PTPRD: variants seen among roughly 807,000 people sequenced by gnomAD.
PTPRD encodes protein tyrosine phosphatase receptor type D, also known as receptor-type tyrosine-protein phosphatase delta.
PTPRD carries 34 observed loss-of-function variants against 214.5 expected under a neutral mutation model. The ratio of observed to expected loss-of-function variants is 0.16; its 90% CI spans 0.12 to 0.21. The LOEUF is 0.21. PTPRD is among the 10% of genes least tolerant of loss of function. The pLI is 1.00. For missense variants in PTPRD, 2,545 were observed against 2,398.7 expected (o/e 1.06, Z -1.27); for synonymous variants, 1,128 against 845.7 (o/e 1.33, Z -5.79).
At chr9:10,528,564 T>C (rs150045890) in intron 2 of PTPRD, among the ~76,000 whole-genome samples, 152 of 152,302 alleles carry the variant, frequency 1.0e-3, no homozygotes, top group African/African-American at 3.4e-3. Flanking sequence ...TTGTATCATA[T>C]GTATACTCAG....
At chr9:8,718,717 A>G (rs1468234117) in intron 12 of PTPRD, among the ~76,000 whole-genome samples, 1 of 152,172 alleles carries the variant, frequency 6.6e-6, no homozygotes, top group African/African-American at 2.4e-5. Context: ...CATCTGCAGA[A>G]ACGTGTGCCT....
At chr9:8,426,188 A>G (rs1014794584) in intron 35 of PTPRD, among the ~76,000 whole-genome samples, 5 of 152,192 alleles carry the variant, frequency 3.3e-5, no homozygotes, top group Non-Finnish European at 7.4e-5. Flanking sequence ...GGTGCCTAAC[A>G]TATATTCATC....
chr9:8,870,687 AACAC>A (rs3046878), intron 11 of PTPRD, among the ~76,000 whole-genome samples: 1,653 of 131,450 alleles, frequency 0.013, 21 homozygotes, highest in African/African-American at 0.027. Context: ...ACAGACATGA[AACAC>A]ACACACACAC....
intron 5 of PTPRD, among the ~76,000 whole-genome samples, chr9:9,935,982 A>T (rs2089209395): frequency 6.6e-6 from 1 of 151,244 alleles, no homozygotes; most frequent in Non-Finnish European, 1.5e-5. Context: ...TGGGGAAAGG[A>T]TTCCCTATTT....
intron 11 of PTPRD, among the ~76,000 whole-genome samples, chr9:8,818,636 T>C (rs145357327): frequency 1.9e-4 from 29 of 152,344 alleles, no homozygotes; most frequent in African/African-American, 6.5e-4. Context: ...TGCAAAATCA[T>C]ACCTACTGAA....
chr9:9,900,091 A>G lies in PTPRD; in HGVS notation c.-368+38416T>C, dbSNP rs1326362213. Among the ~76,000 whole-genome samples, 6 of 152,204 alleles carry G rather than the reference A, an allele frequency of 3.9e-5. No individual in the cohort carries two copies. The East Asian group carries it at 1.2e-3, about 29-fold the overall frequency. The stretch of plus-strand genomic sequence containing the variant: ...TGGAGTGAAACACTTAATATCATGC[A>G]AATCTCTCTAGCAAGTGGTTGTTCC... On this transcript the variant is annotated intron_variant, in intron 5 of 45. Transcript: ENST00000381196.
chr9:9,436,510 G>C (rs1409131383), intron 8 of PTPRD, among the ~76,000 whole-genome samples: 1 of 151,932 alleles, frequency 6.6e-6, no homozygotes, highest in Non-Finnish European at 1.5e-5. Context: ...TTTTTGGATG[G>C]AGTTTACAGA....
intron 8 of PTPRD, among the ~76,000 whole-genome samples, chr9:9,569,610 G>A (rs1017310403): frequency 2.0e-5 from 3 of 151,150 alleles, no homozygotes; most frequent in Non-Finnish European, 4.4e-5. Flanking sequence ...GTCTAATCTC[G>A]ATTTTCCCAG....
At chr9:10,405,163 A>G (rs1176254711) in intron 2 of PTPRD, among the ~76,000 whole-genome samples, 1 of 151,620 alleles carries the variant, frequency 6.6e-6, no homozygotes, top group Non-Finnish European at 1.5e-5. Flanking sequence ...TAACCTTCCA[A>G]AAAAGGAACT....
intron 4 of PTPRD, among the ~76,000 whole-genome samples, chr9:9,968,533 T>C (rs2094866554): frequency 6.6e-6 from 1 of 152,144 alleles, no homozygotes; most frequent in Admixed American, 6.5e-5. Flanking sequence ...GACATAGTGG[T>C]CCAGAGAATG....
At chr9:9,631,636 G>A (rs1000532274) in intron 7 of PTPRD, among the ~76,000 whole-genome samples, 1 of 152,120 alleles carries the variant, frequency 6.6e-6, no homozygotes, top group African/African-American at 2.4e-5. Flanking sequence ...GCAGACACAA[G>A]CAATGTCAGG....
intron 8 of PTPRD, among the ~76,000 whole-genome samples, chr9:9,432,532 C>A (rs1163592683): frequency 1.3e-5 from 2 of 152,130 alleles, no homozygotes; most frequent in East Asian, 1.9e-4. Flanking sequence ...TTGTGATTTA[C>A]TGAAGAGTTT....
chr9:9,667,727 G>A (rs111459125), intron 7 of PTPRD, among the ~76,000 whole-genome samples: 18 of 152,188 alleles, frequency 1.2e-4, no homozygotes, highest in African/African-American at 4.3e-4. Context: ...AAGCATTAGC[G>A]TACCTCTGAA....
At chr9:10,184,694 C>G (rs563873470) in intron 3 of PTPRD, among the ~76,000 whole-genome samples, 2 of 152,292 alleles carry the variant, frequency 1.3e-5, no homozygotes, top group South Asian at 4.1e-4. Flanking sequence ...TTCTTTGCTG[C>G]TTTCACCTCT....
intron 2 of PTPRD, among the ~76,000 whole-genome samples, chr9:10,428,018 T>G (rs1051604606): frequency 1.3e-5 from 2 of 152,012 alleles, no homozygotes; most frequent in Non-Finnish European, 2.9e-5. Context: ...AATTTAAACC[T>G]CATTTAAGTG....
intron 2 of PTPRD, among the ~76,000 whole-genome samples, chr9:10,503,222 A>AT (rs141389811): frequency 0.012 from 1,722 of 143,898 alleles, 47 homozygotes; most frequent in African/African-American, 0.041. Flanking sequence ...AAAAAACACC[A>AT]TTTTTTTCCC....
intron 10 of PTPRD, among the ~76,000 whole-genome samples, chr9:9,037,476 T>C (rs916760364): frequency 1.3e-5 from 2 of 152,098 alleles, no homozygotes; most frequent in Non-Finnish European, 2.9e-5. Flanking sequence ...ATAAATATAA[T>C]GGATGGCAAA....
intron 11 of PTPRD, among the ~76,000 whole-genome samples, chr9:8,978,433 C>A (rs1243233985): frequency 2.0e-5 from 3 of 152,036 alleles, no homozygotes; most frequent in Non-Finnish European, 4.4e-5. Context: ...TAAATATCCA[C>A]GGAATGAACT....
intron 10 of PTPRD, among the ~76,000 whole-genome samples, chr9:9,139,265 C>T (rs1188510622): frequency 6.6e-6 from 1 of 152,122 alleles, no homozygotes; most frequent in African/African-American, 2.4e-5. Context: ...AGTGGAACAA[C>T]ATACAGCAGG....
Sources: allele counts gnomAD v4.1 joint callset (sites outside exome capture counted in the v4.1 genomes callset), GRCh38; gene constraint gnomAD v4.1.1; transcripts MANE v1.5; gene names NCBI Gene and HGNC (gene_info 2026-07-23, HGNC 2026-07-21).